OPHN1: variants seen among roughly 807,000 people sequenced by gnomAD.
OPHN1 encodes oligophrenin-1.
In OPHN1, 11 loss-of-function variants were observed where a neutral mutation model predicts 60.7. The observed-to-expected ratio is 0.18, with a 90% CI of 0.11 to 0.30. The LOEUF (loss-of-function observed/expected upper bound fraction) is 0.30. OPHN1 is among the 10% of genes least tolerant of loss of function. OPHN1 has a pLI of 1.00. For missense variants in OPHN1, 449 were observed against 611.0 expected, an observed-to-expected ratio of 0.73 and a Z score of 2.80; for synonymous variants, 226 against 222.6, an observed-to-expected ratio of 1.02 and a Z score of -0.14.
intron 15 of OPHN1, among the ~76,000 whole-genome samples, chrX:68,188,937 C>T (rs1270440329): frequency 8.9e-6 from 1 of 111,940 alleles, no homozygotes; most frequent in African/African-American, 3.2e-5. Context: ...GAGAAGTCCA[C>T]GTATCTTATT....
intron 5 of OPHN1, among the ~76,000 whole-genome samples, chrX:68,247,709 A>G (rs760538528): frequency 9.4e-6 from 1 of 106,278 alleles, no homozygotes; most frequent in African/African-American, 3.4e-5. Flanking sequence ...GCTTGAGCCC[A>G]GGAGTTTGAG....
chrX:68,412,647 T>C (rs1367342077), intron 2 of OPHN1, among the ~76,000 whole-genome samples: 2 of 112,110 alleles, frequency 1.8e-5, no homozygotes, highest in African/African-American at 3.2e-5. Flanking sequence ...CTTTATGTTA[T>C]GTATATTTTA....
chrX:68,165,985 T>C (rs2077356418), intron 15 of OPHN1, among the ~76,000 whole-genome samples: 1 of 112,291 alleles, frequency 8.9e-6, no homozygotes, highest in Non-Finnish European at 1.9e-5. Context: ...GTGTTTTATA[T>C]AATCACATGA....
intron 18 of OPHN1, among the ~76,000 whole-genome samples, chrX:68,099,962 T>C (rs1435216361): frequency 1.8e-5 from 2 of 111,431 alleles, no homozygotes; most frequent in Admixed American, 9.6e-5. Flanking sequence ...CTAAGAACTG[T>C]GTGCCCTCTG....
intron 11 of OPHN1, among the ~76,000 whole-genome samples, chrX:68,200,394 A>G (rs2077530287): frequency 9.0e-6 from 1 of 111,642 alleles, no homozygotes; most frequent in Non-Finnish European, 1.9e-5. Flanking sequence ...AGAAACATAA[A>G]TTCATCCTAG....
rs111989654 is a variant in OPHN1 at position 68,228,776 on chromosome X, C to T, written c.486+5711G>A. On this transcript the variant is annotated intron_variant, in intron 6 of 24. Coordinates refer to ENST00000355520, the MANE Select transcript of OPHN1 (RefSeq NM_002547.3). Reference sequence around the variant, plus strand: ...AGGATGTATCTCAAAATAATAAGAGCTATTTATGGCAAACCCACAGCCAAT... The same window carrying T: ...AGGATGTATCTCAAAATAATAAGAGTTATTTATGGCAAACCCACAGCCAAT... 6.8e-3 allele frequency among the ~76,000 whole-genome samples: 757 copies of T among 110,946 alleles called. 9 individuals carry two copies. Among genetic ancestry groups the T allele is most frequent in the African/African-American group, 0.024 (723 of 30,519 alleles).
At chrX:68,373,684 A>C (rs1159032264) in intron 2 of OPHN1, among the ~76,000 whole-genome samples, 1 of 111,872 alleles carries the variant, frequency 8.9e-6, no homozygotes, top group Non-Finnish European at 1.9e-5. Flanking sequence ...TAAACCTCAA[A>C]ATTTGAAACT....
chrX:68,076,759 C>T (rs2076955340), intron 19 of OPHN1, among the ~76,000 whole-genome samples: 1 of 111,672 alleles, frequency 9.0e-6, no homozygotes, highest in African/African-American at 3.2e-5. Flanking sequence ...ACCCAAATGT[C>T]CATTAACTAG....
chrX:68,260,145 CT>C (rs796276683), intron 5 of OPHN1, among the ~76,000 whole-genome samples: 231 of 102,901 alleles, frequency 2.2e-3, no homozygotes, highest in African/African-American at 5.1e-3. Flanking sequence ...CTTTGTGATT[CT>C]TTTTTTTTTT....
intron 4 of OPHN1, 35 bp downstream of exon 4, chrX:68,283,021 T>C: frequency 8.9e-7 from 1 of 1,118,998 alleles, no homozygotes; most frequent in Non-Finnish European, 1.2e-6. Context: ...ATATCACCCA[T>C]GAACTCAGCT....
At chrX:68,193,085 G>T (rs762418619) in intron 14 of OPHN1, 92 bp from the exon 15 acceptor site, 12 of 663,104 alleles carry the variant, frequency 1.8e-5, no homozygotes, top group Admixed American at 1.4e-4. Context: ...ATAGGAAGGG[G>T]TCACACTACA....
intron 2 of OPHN1, among the ~76,000 whole-genome samples, chrX:68,354,415 T>C (rs1272333298): frequency 2.4e-5 from 2 of 83,441 alleles, no homozygotes; most frequent in Non-Finnish European, 4.4e-5. Flanking sequence ...ACACCACCAC[T>C]GCACTCCAGC....
chrX:68,343,166 C>T (rs1467671633), intron 2 of OPHN1, among the ~76,000 whole-genome samples: 2 of 106,230 alleles, frequency 1.9e-5, no homozygotes, highest in African/African-American at 6.9e-5. Flanking sequence ...CCCAGCTACT[C>T]GGGAGGCTGA....
At chrX:68,152,319 A>G (rs1199908581) in intron 15 of OPHN1, among the ~76,000 whole-genome samples, 1 of 111,047 alleles carries the variant, frequency 9.0e-6, no homozygotes, top group Non-Finnish European at 1.9e-5. Flanking sequence ...TGTGTTTACT[A>G]AAACCTCTCC....
At chrX:68,322,568 C>A (rs2078240800) in intron 2 of OPHN1, among the ~76,000 whole-genome samples, 1 of 111,472 alleles carries the variant, frequency 9.0e-6, no homozygotes, top group Admixed American at 9.6e-5. Context: ...AAGACGATCA[C>A]TTGAGGCCAG....
chrX:68,331,010 C>T (rs1311470239), intron 2 of OPHN1, among the ~76,000 whole-genome samples: 1 of 104,205 alleles, frequency 9.6e-6, no homozygotes, highest in Non-Finnish European at 1.9e-5. Flanking sequence ...CAAATGTATA[C>T]ATCTAGTATA....
rs1483561778 is a variant in OPHN1 at position 68,210,150 on chromosome X, C to A, written c.832+3G>T. 3 of 1,208,575 alleles carry A rather than the reference C, an allele frequency of 2.5e-6. No individual in the cohort carries two copies. In the East Asian group the frequency reaches 8.9e-5, roughly 36 times the overall value. On this transcript the variant is annotated splice_donor_region_variant and intron_variant, in intron 9 of 24. Transcript: ENST00000355520. ...CAATGGATACCCCTATGTCCCCACA[C>A]ACATTTCTCTTGTGTATAGAGATAG... is the stretch of plus-strand genomic sequence containing the variant.
intron 15 of OPHN1, among the ~76,000 whole-genome samples, chrX:68,131,389 T>C (rs2077194152): frequency 9.1e-6 from 1 of 109,601 alleles, no homozygotes; most frequent in South Asian, 4.0e-4. Context: ...CTAATTTTTG[T>C]ATTTTTAGTG....
intron 2 of OPHN1, among the ~76,000 whole-genome samples, chrX:68,301,972 A>G (rs753477719): frequency 8.9e-6 from 1 of 112,610 alleles, no homozygotes; most frequent in Non-Finnish European, 1.9e-5. Context: ...TTTCATGAAA[A>G]TAGAATCATA....
Sources: gnomAD v4.1 joint callset for allele counts (sites outside exome capture counted in the v4.1 genomes callset) on GRCh38, gnomAD v4.1.1 for gene constraint, MANE v1.5 for transcripts, NCBI Gene and HGNC (gene_info 2026-07-23, HGNC 2026-07-21) for gene names.